Variants in TMEM67 observed in about 807,000 individuals in gnomAD.
The protein encoded by TMEM67 is transmembrane protein 67, also known as meckelin.
Under a neutral mutation model 136.6 loss-of-function variants are expected in TMEM67, and 124 were observed. The ratio of observed to expected loss-of-function variants is 0.91; its 90% CI spans 0.78 to 1.05. The LOEUF (loss-of-function observed/expected upper bound fraction) is 1.05. Ranked by LOEUF, TMEM67 falls within the 50% of genes least tolerant of loss-of-function variation. The pLI is 0.00. For synonymous variants in TMEM67, 364 were observed against 390.5 expected (o/e 0.93, Z 0.80); for missense variants, 1,107 against 1,178.4 (o/e 0.94, Z 0.89).
chr8:93,801,004 G>GA lies in TMEM67; in HGVS notation c.2241+1256dup, dbSNP rs1043946743. 2.7e-3 allele frequency among the ~76,000 whole-genome samples: 355 copies of GA among 132,898 alleles called. 2 individuals carry two copies. Among genetic ancestry groups the GA allele is most frequent in the African/African-American group, 9.1e-3 (327 of 36,024 alleles). 87.2% of individuals were successfully genotyped at this position (132,898 alleles called of 152,430 possible). ...CCATGTATCTAGTAGAGGCCATAAA[G>GA]AAAAAAAAAAGACAAAAGGAAGAAA... On this transcript the variant is annotated intron_variant, in intron 21 of 27. Coordinates refer to ENST00000453321, the MANE Select transcript of TMEM67 (RefSeq NM_153704.6).
At position 93,782,577 on chromosome 8, in the gene TMEM67, T is replaced by G. The variant is rs541079506; in HGVS notation, c.1131+117T>G. The G allele has an allele frequency of 9.9e-4, 759 of 766,554 alleles. 6 individuals carry two copies. In the African/African-American group the frequency reaches 0.012, roughly 13 times the overall value. The allele number at this position is 766,554 out of a possible 1,614,324, so 47.5% of individuals were successfully genotyped here. A position where few individuals can be genotyped will look rare whatever the true frequency, so the allele number is the denominator to read the frequency against. On this transcript the variant is annotated intron_variant, in intron 11 of 27. Transcript: ENST00000453321. ...TGGAAATTTTTTATTCTTGGTTTTT[T>G]TTTTTTTTTTTTTGAGATGGAGTTT...
rs1237314532 is a variant in TMEM67, at chr8:93,780,581, G to A, written c.715-12G>A. ...GTTCATGTTACTTTTCTTTGCCATT[G>A]TTCTGTTGTAGGTATATGCCAATCT... is the stretch of plus-strand genomic sequence containing the variant. On this transcript the variant is annotated splice_polypyrimidine_tract_variant and intron_variant, in intron 7 of 27. Coordinates refer to ENST00000453321, the MANE Select transcript of TMEM67 (RefSeq NM_153704.6). 1.2e-6 allele frequency: 2 copies of A among 1,613,894 alleles called. No individual in the cohort carries two copies. The highest frequency in any genetic ancestry group is 2.7e-5 in the African/African-American group (2 of 74,914).
the TMEM67 span, among the ~76,000 whole-genome samples, chr8:93,825,289 A>G: frequency 1.3e-5 from 2 of 152,236 alleles, no homozygotes; most frequent in African/African-American, 4.8e-5. Context: ...GCGCAAGGAC[A>G]GTGCTCCAGA....
At chr8:93,819,492 C>G (rs1397587856), downstream of TMEM67, among the ~76,000 whole-genome samples, 2 of 152,160 alleles carry the variant, frequency 1.3e-5, no homozygotes, top group Admixed American at 1.3e-4. Flanking sequence ...CCTCTTCCCA[C>G]TCCCCAGCCC....
In TMEM67 at chr8:93,804,782, C is replaced by T. The variant is rs768944560; in HGVS notation, c.2343C>T (p.Ser781=). 11 of 1,599,342 alleles carry T rather than the reference C, an allele frequency of 6.9e-6. No homozygotes were observed. The highest frequency in any genetic ancestry group is 8.6e-6 in the Non-Finnish European group (10 of 1,167,686). ...SMSNISVFLL[S]HKCFGYYIHG... is the part of the protein sequence containing the mutation. Reference sequence around the variant, plus strand: ...TATAGATATCAGTGTTTCTGTTATCCCACAAATGTTTTGGATATTACATTC... The same window carrying T: ...TATAGATATCAGTGTTTCTGTTATCTCACAAATGTTTTGGATATTACATTC... The change falls in exon 23 of 28, where the codon TCC becomes TCT. Residue 781 remains serine, a synonymous_variant. Coordinates refer to ENST00000453321, the MANE Select transcript of TMEM67 (RefSeq NM_153704.6).
At chr8:93,762,401 A>G (rs76833254) in intron 3 of TMEM67, among the ~76,000 whole-genome samples, 1,453 of 135,390 alleles carry the variant, frequency 0.011, 14 homozygotes, top group Non-Finnish European at 0.015. Context: ...CTTACTATAT[A>G]TCTCAAGCTG....
At chr8:93,768,941 T>C (rs945454434) in intron 6 of TMEM67, among the ~76,000 whole-genome samples, 10 of 152,118 alleles carry the variant, frequency 6.6e-5, no homozygotes, top group Admixed American at 2.0e-4. Flanking sequence ...CATACCAGAT[T>C]TTTTTAAAAT....
In TMEM67 at chr8:93,808,960, T is replaced by G. The variant is rs772449181; in HGVS notation, c.2556+4T>G. 45 of 1,565,816 alleles carry G rather than the reference T, an allele frequency of 2.9e-5. 1 individual carries two copies. Among genetic ancestry groups the G allele is most frequent in the Admixed American group, 1.2e-4 (7 of 59,914 alleles). On this transcript the variant is annotated splice_donor_region_variant and intron_variant, in intron 24 of 27. Coordinates refer to ENST00000453321, the MANE Select transcript of TMEM67 (RefSeq NM_153704.6). ...AATTCATGAGACACTAATAAGGGTTTGTATAAAGTACAGTTCAGATATATT... is the reference window on the plus strand; with the variant it reads ...AATTCATGAGACACTAATAAGGGTTGGTATAAAGTACAGTTCAGATATATT...
At chr8:93,755,981 A>C in intron 2 of TMEM67, 115 bp downstream of exon 2, 1 of 624,680 alleles carries the variant, frequency 1.6e-6, no homozygotes. Flanking sequence ...TAAAATTACT[A>C]TGCTAATTTT....
chr8:93,813,354 T>C (rs1002229927), intron 26 of TMEM67, among the ~76,000 whole-genome samples: 1 of 152,080 alleles, frequency 6.6e-6, no homozygotes, highest in Non-Finnish European at 1.5e-5. Flanking sequence ...AATTTTTGTA[T>C]TTTTAGTAGA....
intron 21 of TMEM67, among the ~76,000 whole-genome samples, chr8:93,803,111 C>T (rs1443829412): frequency 6.6e-6 from 1 of 151,996 alleles, no homozygotes; most frequent in Non-Finnish European, 1.5e-5. Context: ...AGTATTAAAT[C>T]TAAGAAAACA....
At chr8:93,774,034 T>G (rs1813430783) in intron 7 of TMEM67, among the ~76,000 whole-genome samples, 1 of 152,042 alleles carries the variant, frequency 6.6e-6, no homozygotes, top group African/African-American at 2.4e-5. Flanking sequence ...AATTTTTTTT[T>G]TTTTGAGACG....
At chr8:93,802,616 A>T (rs1053287960) in intron 21 of TMEM67, among the ~76,000 whole-genome samples, 4 of 152,206 alleles carry the variant, frequency 2.6e-5, no homozygotes, top group Non-Finnish European at 5.9e-5. Flanking sequence ...ACAGTTTCAT[A>T]AATTTGTCTA....
chr8:93,770,886 G>C (rs1442573126), intron 6 of TMEM67, among the ~76,000 whole-genome samples: 1 of 151,902 alleles, frequency 6.6e-6, no homozygotes, highest in Non-Finnish European at 1.5e-5. Flanking sequence ...GTGGCGGCAG[G>C]CTCCTGTAAC....
At chr8:93,755,635 C>CAGTA in intron 1 of TMEM67, 143 bp from the exon 2 acceptor site, 1 of 631,896 alleles carries the variant, frequency 1.6e-6, no homozygotes, top group South Asian at 2.1e-5. Flanking sequence ...TGAACCCAGG[C>CAGTA]AGTACTGCCT....
chr8:93,827,058 T>G, the TMEM67 span, among the ~76,000 whole-genome samples: 1 of 152,198 alleles, frequency 6.6e-6, no homozygotes, highest in African/African-American at 2.4e-5. Flanking sequence ...CTCAAACTCC[T>G]GACCTCAGGT....
At chr8:93,795,266 T>C (rs1814556194) in intron 16 of TMEM67, 143 bp from the exon 17 acceptor site, 1 of 757,964 alleles carries the variant, frequency 1.3e-6, no homozygotes. Context: ...AGGTGGTCTT[T>C]ATAGCTGGAT....
Position 93,803,661 on chromosome 8 carries a change from GT to G in TMEM67, c.2301del (p.Asp768IlefsTer5), listed in dbSNP as rs386834191. On this transcript the variant is annotated frameshift_variant, in exon 22 of 28. Transcript: ENST00000453321. LOFTEE classifies it high-confidence loss of function. ...RFIEDKIRQF[V>X]DLCSMSNISV... is the part of the protein sequence containing the mutation. ...TATAGAAGATAAAATTCGACAGTTC[GT>G]TGATTTATGCTCTATGAGTAATGTA... The G allele has an allele frequency of 2.5e-6, 4 of 1,594,002 alleles. No homozygotes were observed. The highest frequency in any genetic ancestry group is 3.4e-6 in the Non-Finnish European group (4 of 1,162,328).
At chr8:93,759,063 A>C (rs896328880) in intron 3 of TMEM67, 3 of 152,606 alleles carry the variant, frequency 2.0e-5, no homozygotes, top group Admixed American at 1.3e-4. Context: ...ATATGTCTCA[A>C]CTCAAAAGCC....
Sources: allele counts gnomAD v4.1 joint callset (sites outside exome capture counted in the v4.1 genomes callset), GRCh38; gene constraint gnomAD v4.1.1; transcripts MANE v1.5; gene names NCBI Gene and HGNC (gene_info 2026-07-23, HGNC 2026-07-21).